Variants in GPC5 observed in about 807,000 individuals in gnomAD.
GPC5 encodes glypican-5.
GPC5 carries 47 observed loss-of-function variants against 53.9 expected under a neutral mutation model. The observed-to-expected ratio is 0.87, with a 90% CI of 0.69 to 1.11. The LOEUF (loss-of-function observed/expected upper bound fraction) is 1.11, where lower values mean the gene tolerates loss of function less well. Among genes scored for constraint, GPC5 ranks in the 50% most tolerant of loss-of-function variants. The pLI is 0.00. For synonymous variants in GPC5, 286 were observed against 263.3 expected (o/e 1.09, Z -0.84); for missense variants, 748 against 713.1 (o/e 1.05, Z -0.56).
intron 7 of GPC5, among the ~76,000 whole-genome samples, chr13:92,777,224 T>C (rs926915186): frequency 6.7e-6 from 1 of 150,278 alleles, no homozygotes; most frequent in African/African-American, 2.5e-5. Flanking sequence ...TAGTCCCAGC[T>C]ATTCAGGAAG....
chr13:92,641,910 C>T (rs1470737271), intron 7 of GPC5, among the ~76,000 whole-genome samples: 5 of 151,956 alleles, frequency 3.3e-5, no homozygotes, highest in African/African-American at 1.2e-4. Context: ...TTTTTCCTTT[C>T]TGTGCCATGA....
intron 5 of GPC5, among the ~76,000 whole-genome samples, chr13:91,879,033 C>T (rs916826628): frequency 1.3e-5 from 2 of 151,682 alleles, no homozygotes; most frequent in Admixed American, 1.3e-4. Context: ...ATGCACATAC[C>T]CCCCTAATGT....
At chr13:92,602,235 T>TATATATAAATATATATATATAAC (rs1884094399) in intron 7 of GPC5, among the ~76,000 whole-genome samples, 3 of 77,512 alleles carry the variant, frequency 3.9e-5, no homozygotes, top group African/African-American at 1.9e-4. Context: ...ATATATAACA[T>TATATATAAATATATATATATAAC]ATATATATAT....
intron 6 of GPC5, among the ~76,000 whole-genome samples, chr13:91,978,786 G>A (rs555598683): frequency 6.6e-6 from 1 of 152,268 alleles, no homozygotes; most frequent in Non-Finnish European, 1.5e-5. Flanking sequence ...ATGGCTTTGT[G>A]GAAAATGGGT....
intron 2 of GPC5, among the ~76,000 whole-genome samples, chr13:91,464,049 G>A (rs1220289029): frequency 6.6e-6 from 1 of 152,034 alleles, no homozygotes. Context: ...AAAAAACCCA[G>A]TTTAAGTAGA....
intron 2 of GPC5, among the ~76,000 whole-genome samples, chr13:91,472,039 C>G (rs1882664937): frequency 6.6e-6 from 1 of 152,106 alleles, no homozygotes; most frequent in Non-Finnish European, 1.5e-5. Context: ...TCTATTATAT[C>G]TATTCAAAAT....
chr13:92,164,928 A>T (rs192273789), intron 7 of GPC5, among the ~76,000 whole-genome samples: 1 of 152,324 alleles, frequency 6.6e-6, no homozygotes, highest in East Asian at 1.9e-4. Flanking sequence ...TGGGGTTCGC[A>T]CCCTCTGAAG....
intron 7 of GPC5, among the ~76,000 whole-genome samples, chr13:92,250,459 C>T (rs1274446252): frequency 6.6e-6 from 1 of 152,034 alleles, no homozygotes; most frequent in Non-Finnish European, 1.5e-5. Context: ...CTCTTTTCAC[C>T]ATGTGTTTGA....
At chr13:92,440,963 G>A (rs1877529309) in intron 7 of GPC5, among the ~76,000 whole-genome samples, 1 of 152,050 alleles carries the variant, frequency 6.6e-6, no homozygotes, top group East Asian at 1.9e-4. Context: ...GACCTTTGTT[G>A]GATGCAGAGT....
At chr13:91,686,540 A>C (rs186769196) in intron 2 of GPC5, among the ~76,000 whole-genome samples, 69 of 152,098 alleles carry the variant, frequency 4.5e-4, no homozygotes, top group African/African-American at 1.6e-3. Context: ...AATTCAGTAT[A>C]AACGCTTCCA....
chr13:92,079,540 T>C (rs2041278938), intron 6 of GPC5, among the ~76,000 whole-genome samples: 3 of 152,244 alleles, frequency 2.0e-5, no homozygotes, highest in African/African-American at 7.2e-5. Context: ...GTGATTTAAA[T>C]GCTCACAGAG....
At chr13:91,590,874 C>T (rs1024644654) in intron 2 of GPC5, among the ~76,000 whole-genome samples, 1 of 152,166 alleles carries the variant, frequency 6.6e-6, no homozygotes, top group Non-Finnish European at 1.5e-5. Flanking sequence ...TTGAACCTCT[C>T]CTTAAAGTGA....
chr13:92,322,762 G>T (rs1188591957), intron 7 of GPC5, among the ~76,000 whole-genome samples: 4 of 152,116 alleles, frequency 2.6e-5, no homozygotes, highest in Non-Finnish European at 4.4e-5. Flanking sequence ...ATGTCATGAA[G>T]AAAATGATTT....
intron 7 of GPC5, among the ~76,000 whole-genome samples, chr13:92,439,614 C>T (rs952753961): frequency 6.6e-6 from 1 of 151,936 alleles, no homozygotes; most frequent in Non-Finnish European, 1.5e-5. Context: ...GAAAGTAGTC[C>T]TGTATCACTG....
At chr13:92,011,692 A>T (rs971915701) in intron 6 of GPC5, among the ~76,000 whole-genome samples, 1 of 152,180 alleles carries the variant, frequency 6.6e-6, no homozygotes, top group Non-Finnish European at 1.5e-5. Flanking sequence ...TCCTTATCTT[A>T]ACATTTTCAA....
chr13:92,085,038 T>C (rs893950817), intron 6 of GPC5, among the ~76,000 whole-genome samples: 3 of 152,152 alleles, frequency 2.0e-5, no homozygotes, highest in African/African-American at 7.2e-5. Context: ...GGCTAGGGAA[T>C]TTTGGGAGGC....
At chr13:92,603,385 T>A (rs939949957) in intron 7 of GPC5, among the ~76,000 whole-genome samples, 22 of 152,318 alleles carry the variant, frequency 1.4e-4, no homozygotes, top group African/African-American at 5.1e-4. Context: ...TCCCCTTACA[T>A]GAAGCCTTCT....
chr13:92,636,386 T>C (rs892102718), intron 7 of GPC5, among the ~76,000 whole-genome samples: 2 of 152,146 alleles, frequency 1.3e-5, no homozygotes, highest in Admixed American at 6.5e-5. Context: ...ATAGGACTTA[T>C]TTTGCTGAGC....
chr13:92,243,604 A>G (rs757924094), intron 7 of GPC5, among the ~76,000 whole-genome samples: 2 of 152,206 alleles, frequency 1.3e-5, no homozygotes, highest in Non-Finnish European at 2.9e-5. Flanking sequence ...TAGTTTGATT[A>G]CTTTTGTGAA....
Sources: allele counts gnomAD v4.1 joint callset (sites outside exome capture counted in the v4.1 genomes callset), GRCh38; gene constraint gnomAD v4.1.1; transcripts MANE v1.5; gene names NCBI Gene and HGNC (gene_info 2026-07-23, HGNC 2026-07-21).